The following BMPER variants were observed in gnomAD, a reference collection of about 807,000 sequenced individuals.
BMPER encodes BMP-binding endothelial regulator protein.
In BMPER, 45 loss-of-function variants were observed where a neutral mutation model predicts 87.3. That is an observed-to-expected ratio of 0.52 (90% confidence interval 0.41 to 0.66). BMPER has a LOEUF of 0.66. Ranked by LOEUF, BMPER falls within the 30% of genes least tolerant of loss-of-function variation. The pLI is 0.00. For missense variants in BMPER, 784 were observed against 867.5 expected (o/e 0.90, Z 1.21); for synonymous variants, 326 against 316.2 (o/e 1.03, Z -0.33).
intron 9 of BMPER, 120 bp downstream of exon 9, chr7:34,055,423 G>A (rs1047321347): frequency 1.3e-5 from 16 of 1,241,172 alleles, no homozygotes; most frequent in Middle Eastern, 5.3e-4. Context: ...AAATGTATAT[G>A]TGTGCATATA....
chr7:34,128,121 C>A (rs550946277), intron 13 of BMPER, among the ~76,000 whole-genome samples: 1 of 152,202 alleles, frequency 6.6e-6, no homozygotes, highest in East Asian at 1.9e-4. Context: ...TTCTTGGGTC[C>A]CCAAATGGAA....
chr7:34,072,210 G>A (rs188745163), intron 11 of BMPER, among the ~76,000 whole-genome samples: 38 of 152,320 alleles, frequency 2.5e-4, no homozygotes, highest in East Asian at 5.8e-4. Flanking sequence ...AGCATCTGGC[G>A]TGGTACTTGG....
intron 6 of BMPER, among the ~76,000 whole-genome samples, chr7:34,000,145 G>A (rs1786540303): frequency 6.6e-6 from 1 of 152,198 alleles, no homozygotes; most frequent in African/African-American, 2.4e-5. Context: ...AAGGTGAAAA[G>A]AAGGGTTAGG....
Position 34,155,509 on chromosome 7 carries a change from A to T in BMPER, c.*2236A>T, listed in dbSNP as rs1374026150. 6.6e-6 allele frequency: 1 copy of T among 152,168 alleles called. No homozygotes were observed. The highest frequency in any genetic ancestry group is 1.5e-5 in the Non-Finnish European group (1 of 68,040). 9.4% of individuals were successfully genotyped at this position (152,168 alleles called of 1,614,324 possible). ...TCATCATCTTGGGTGGGTTGATTAC[A>T]AGTTTGTGTGGCATTCCTTTAGCTG... On this transcript the variant is annotated 3_prime_UTR_variant, in exon 15 of 15. Transcript: ENST00000649409.
chr7:33,994,059 A>C (rs1363434343), intron 6 of BMPER, among the ~76,000 whole-genome samples: 1 of 152,204 alleles, frequency 6.6e-6, no homozygotes, highest in Admixed American at 6.5e-5. Flanking sequence ...TGCAGAGGTT[A>C]CTGCTGTCTT....
intron 10 of BMPER, 52 bp from the exon 11 acceptor site, chr7:34,061,950 G>C: frequency 8.5e-7 from 1 of 1,171,700 alleles, no homozygotes; most frequent in South Asian, 1.4e-5. Context: ...AGGAGACCCT[G>C]TTTTTTTTTT....
Position 33,905,753 on chromosome 7 carries a change from G to C in BMPER, c.133+7G>C. The C allele has an allele frequency of 6.3e-7, 1 of 1,581,382 alleles. No individual in the cohort carries two copies. The highest frequency in any genetic ancestry group is 2.2e-5 in the East Asian group (1 of 44,576). ...GCTTCCTCCTTCTTGACAGGTAGGGGAGGGGGCGGGAGGGACCGGCCCTCC... is the reference window on the plus strand; with the variant it reads ...GCTTCCTCCTTCTTGACAGGTAGGGCAGGGGGCGGGAGGGACCGGCCCTCC... On this transcript the variant is annotated splice_region_variant and intron_variant, in intron 1 of 14. Coordinates refer to ENST00000649409, the MANE Select transcript of BMPER (RefSeq NM_001365308.1).
intron 6 of BMPER, among the ~76,000 whole-genome samples, chr7:33,979,619 C>G (rs1440197368): frequency 6.6e-6 from 1 of 152,172 alleles, no homozygotes; most frequent in South Asian, 2.1e-4. Context: ...AGCCTATTCT[C>G]GTCTGGGAGA....
chr7:34,104,360 C>G (rs1207987373), intron 13 of BMPER, among the ~76,000 whole-genome samples: 1 of 152,176 alleles, frequency 6.6e-6, no homozygotes, highest in African/African-American at 2.4e-5. Context: ...ATGTTCCTCC[C>G]CCTCCCAACA....
At chr7:34,150,217 G>A (rs1418474117) in intron 14 of BMPER, among the ~76,000 whole-genome samples, 3 of 152,182 alleles carry the variant, frequency 2.0e-5, no homozygotes, top group Non-Finnish European at 4.4e-5. Flanking sequence ...TTTGGAAATA[G>A]TTTTCTTCTC....
chr7:34,078,354 T>A (rs1278290654), intron 11 of BMPER, among the ~76,000 whole-genome samples: 1 of 152,210 alleles, frequency 6.6e-6, no homozygotes, highest in East Asian at 1.9e-4. Context: ...CCTAGGTAAA[T>A]ACACGGGTGT....
At chr7:34,016,019 A>G (rs1442973104) in intron 6 of BMPER, among the ~76,000 whole-genome samples, 2 of 151,774 alleles carry the variant, frequency 1.3e-5, no homozygotes, top group African/African-American at 4.8e-5. Flanking sequence ...TGAGAGAGAG[A>G]GAGAGAGAGA....
At chr7:33,988,213 G>A (rs886135904) in intron 6 of BMPER, among the ~76,000 whole-genome samples, 1 of 152,108 alleles carries the variant, frequency 6.6e-6, no homozygotes, top group Admixed American at 6.5e-5. Context: ...CCACCAGTTG[G>A]GGTGATGAAT....
At chr7:33,919,042 C>T (rs780363005) in intron 2 of BMPER, among the ~76,000 whole-genome samples, 33 of 152,088 alleles carry the variant, frequency 2.2e-4, no homozygotes, top group Non-Finnish European at 4.1e-4. Flanking sequence ...TCCTTTTCCT[C>T]CATGGGTGCA....
At chr7:33,935,852 C>A (rs995531572) in intron 2 of BMPER, among the ~76,000 whole-genome samples, 12 of 152,124 alleles carry the variant, frequency 7.9e-5, no homozygotes, top group Non-Finnish European at 1.6e-4. Flanking sequence ...TCTATATGTG[C>A]CATTCAGTGG....
At chr7:34,058,737 A>G (rs1562716316) in intron 10 of BMPER, among the ~76,000 whole-genome samples, 1 of 152,230 alleles carries the variant, frequency 6.6e-6, no homozygotes, top group Non-Finnish European at 1.5e-5. Context: ...AGCAACCATT[A>G]TCTTCTAAAG....
At chr7:33,947,815 C>G (rs915978005) in intron 3 of BMPER, among the ~76,000 whole-genome samples, 1 of 151,906 alleles carries the variant, frequency 6.6e-6, no homozygotes, top group Non-Finnish European at 1.5e-5. Flanking sequence ...TAAGGGACCT[C>G]TCCTCAGTGC....
intron 6 of BMPER, among the ~76,000 whole-genome samples, chr7:34,022,128 C>A (rs2127946516): frequency 6.6e-6 from 1 of 152,158 alleles, no homozygotes; most frequent in Non-Finnish European, 1.5e-5. Context: ...TTCCCACAGC[C>A]CTTTCATCAC....
intron 3 of BMPER, among the ~76,000 whole-genome samples, chr7:33,945,272 A>G (rs1199762555): frequency 1.0e-5 from 1 of 98,482 alleles, no homozygotes; most frequent in Admixed American, 1.4e-4. Context: ...TTTTTTTGAG[A>G]CAGAGTCCCA....
Sources: allele counts gnomAD v4.1 joint callset (sites outside exome capture counted in the v4.1 genomes callset), GRCh38; gene constraint gnomAD v4.1.1; transcripts MANE v1.5; gene names NCBI Gene and HGNC (gene_info 2026-07-23, HGNC 2026-07-21).